The following WIF1 variants were observed in gnomAD, a reference collection of about 807,000 sequenced individuals.
WIF1 encodes the protein Wnt inhibitory factor 1.
Under a neutral mutation model 53.5 loss-of-function variants are expected in WIF1, and 35 were observed. That is an observed-to-expected ratio of 0.65 (90% CI 0.50 to 0.87). The LOEUF (loss-of-function observed/expected upper bound fraction) is 0.87. Ranked by LOEUF, WIF1 falls within the 40% of genes least tolerant of loss-of-function variation. The pLI is 0.00. For synonymous variants in WIF1, 171 were observed against 170.4 expected, an observed-to-expected ratio of 1.00 and a Z score of -0.03; for missense variants, 467 against 476.8, an observed-to-expected ratio of 0.98 and a Z score of 0.19.
chr12:65,114,768 G>A (rs180726496), intron 2 of WIF1, among the ~76,000 whole-genome samples: 1 of 152,106 alleles, frequency 6.6e-6, no homozygotes, highest in Non-Finnish European at 1.5e-5. Context: ...GTTATTGTAC[G>A]GTATATACAT....
chr12:65,058,421 A>G (rs1351079908), intron 7 of WIF1, among the ~76,000 whole-genome samples: 1 of 152,194 alleles, frequency 6.6e-6, no homozygotes, highest in Non-Finnish European at 1.5e-5. Context: ...GGTGGAGATA[A>G]TCCTTTCATA....
chr12:65,063,481 T>A (rs1882643803), intron 6 of WIF1, among the ~76,000 whole-genome samples: 1 of 152,098 alleles, frequency 6.6e-6, no homozygotes, highest in African/African-American at 2.4e-5. Flanking sequence ...TGGCCAAAAT[T>A]GGCTATAGAT....
At chr12:65,110,786 A>C (rs1202602629) in intron 2 of WIF1, among the ~76,000 whole-genome samples, 4 of 152,232 alleles carry the variant, frequency 2.6e-5, no homozygotes, top group Admixed American at 2.0e-4. Flanking sequence ...ATGAGCTTAC[A>C]TTGAATGGAA....
At chr12:65,053,776 A>T (rs769887147) in intron 9 of WIF1, among the ~76,000 whole-genome samples, 13 of 152,106 alleles carry the variant, frequency 8.5e-5, no homozygotes, top group Non-Finnish European at 1.3e-4. Flanking sequence ...AAACAAATAC[A>T]ATATGAACAT....
intron 7 of WIF1, among the ~76,000 whole-genome samples, chr12:65,061,967 G>A (rs1374294): frequency 0.61 from 92,850 of 152,048 alleles, 28,755 homozygotes; most frequent in East Asian, 0.73. Flanking sequence ...TCATGTTGCT[G>A]TTTGTGCTAC....
At chr12:65,092,049 G>A (rs989635241) in intron 2 of WIF1, among the ~76,000 whole-genome samples, 1 of 152,180 alleles carries the variant, frequency 6.6e-6, no homozygotes, top group East Asian at 1.9e-4. Flanking sequence ...CTTCAGTGGA[G>A]AAAGATGGTA....
chr12:65,052,759 T>A (rs1478833181), intron 9 of WIF1, among the ~76,000 whole-genome samples: 1 of 152,154 alleles, frequency 6.6e-6, no homozygotes, highest in Non-Finnish European at 1.5e-5. Context: ...GGCAGACGCT[T>A]TCAGCAGCAT....
At chr12:65,053,071 G>A (rs1301190997) in intron 9 of WIF1, among the ~76,000 whole-genome samples, 1 of 152,140 alleles carries the variant, frequency 6.6e-6, no homozygotes, top group South Asian at 2.1e-4. Flanking sequence ...TGGCATAAGA[G>A]CTTCGGTTTA....
intron 2 of WIF1, among the ~76,000 whole-genome samples, chr12:65,101,524 T>C (rs1883282403): frequency 6.6e-6 from 1 of 152,208 alleles, no homozygotes; most frequent in Non-Finnish European, 1.5e-5. Context: ...AGAAATTTTA[T>C]TAACATTAAA....
intron 3 of WIF1, among the ~76,000 whole-genome samples, chr12:65,070,777 G>T (rs1426142546): frequency 3.3e-5 from 5 of 152,028 alleles, no homozygotes; most frequent in African/African-American, 1.2e-4. Context: ...CAGAATCTTG[G>T]TATGGAAGAG....
At chr12:65,089,925 T>C (rs1383970097) in intron 2 of WIF1, among the ~76,000 whole-genome samples, 1 of 144,990 alleles carries the variant, frequency 6.9e-6, no homozygotes, top group Admixed American at 7.2e-5. Flanking sequence ...CTTATTTGAA[T>C]CTGCAGTGAC....
intron 3 of WIF1, among the ~76,000 whole-genome samples, chr12:65,073,844 A>G (rs1326935828): frequency 6.6e-6 from 1 of 152,134 alleles, no homozygotes; most frequent in Non-Finnish European, 1.5e-5. Flanking sequence ...CTACAAACAA[A>G]TTCTACATCT....
intron 2 of WIF1, among the ~76,000 whole-genome samples, chr12:65,089,902 GA>G (rs1351697135): frequency 6.6e-6 from 1 of 151,868 alleles, no homozygotes; most frequent in Non-Finnish European, 1.5e-5. Context: ...CATTGGAAGG[GA>G]TTTTTTCTCT....
chr12:65,069,050 T>G (rs1882732817), intron 3 of WIF1, 146 bp from the exon 4 acceptor site: 2 of 870,092 alleles, frequency 2.3e-6, no homozygotes, highest in Non-Finnish European at 3.4e-6. Context: ...GAGTAGGAAC[T>G]GTATTTTGAG....
At chr12:65,062,876 G>A (rs1229844912) in intron 6 of WIF1, among the ~76,000 whole-genome samples, 1 of 152,054 alleles carries the variant, frequency 6.6e-6, no homozygotes, top group African/African-American at 2.4e-5. Context: ...ACATAGCTAT[G>A]CCCTTAAAAG....
intron 2 of WIF1, among the ~76,000 whole-genome samples, chr12:65,087,635 G>GA (rs1207415543): frequency 3.3e-5 from 5 of 150,952 alleles, no homozygotes; most frequent in East Asian, 1.9e-4. Context: ...AAAAAAGGAG[G>GA]AAAAAAAACA....
chr12:65,078,632 A>C (rs542823368), intron 2 of WIF1, among the ~76,000 whole-genome samples: 1 of 152,142 alleles, frequency 6.6e-6, no homozygotes, highest in Non-Finnish European at 1.5e-5. Flanking sequence ...TTCCCTTTGA[A>C]AGGTTTATAT....
At chr12:65,104,222 T>G (rs1883322454) in intron 2 of WIF1, among the ~76,000 whole-genome samples, 1 of 152,164 alleles carries the variant, frequency 6.6e-6, no homozygotes, top group Admixed American at 6.5e-5. Context: ...ATTCAAGCAT[T>G]TTGACCTATG....
Position 65,063,231 on chromosome 12 carries a change from T to C in WIF1, c.731-655A>G, listed in dbSNP as rs534596270. 6.9e-4 allele frequency among the ~76,000 whole-genome samples: 105 copies of C among 152,154 alleles called. 1 individual carries two copies. The highest frequency in any genetic ancestry group is 1.2e-3 in the Non-Finnish European group (84 of 67,960). On this transcript the variant is annotated intron_variant, in intron 6 of 9. Coordinates refer to ENST00000286574, the MANE Select transcript of WIF1 (RefSeq NM_007191.5). ...CATAGTGGAAGCCCAATAACCAGAT[T>C]ATCCAGGTAGTAATCACACTTCGTG... is the stretch of plus-strand genomic sequence containing the variant.
Sources: gnomAD v4.1 joint callset for allele counts (sites outside exome capture counted in the v4.1 genomes callset) on GRCh38, gnomAD v4.1.1 for gene constraint, MANE v1.5 for transcripts, NCBI Gene and HGNC (gene_info 2026-07-23, HGNC 2026-07-21) for gene names.